Variants in SNAPC5 observed in about 807,000 individuals in gnomAD.
SNAPC5 encodes small nuclear RNA activating complex polypeptide 5.
SNAPC5 carries 12 observed loss-of-function variants against 9.1 expected under a neutral mutation model. The observed-to-expected ratio is 1.32, with a 90% CI of 0.85 to 2.15. The LOEUF (loss-of-function observed/expected upper bound fraction) is 2.15, where lower values mean the gene tolerates loss of function less well. Ranked by LOEUF, SNAPC5 falls within the 30% of genes most tolerant of loss-of-function variation. SNAPC5 has a pLI of 0.00. For missense variants in SNAPC5, 132 were observed against 114.4 expected (o/e 1.15, Z -0.70); for synonymous variants, 52 against 47.3 (o/e 1.10, Z -0.41).
Position 66,497,633 on chromosome 15 carries a change from C to T in SNAPC5, c.90+9G>A, listed in dbSNP as rs376615959. 4.3e-6 allele frequency: 7 copies of T among 1,613,242 alleles called. No individual in the cohort carries two copies. Among genetic ancestry groups the T allele is most frequent in the African/African-American group, 1.3e-5 (1 of 74,918 alleles). On this transcript the variant is annotated intron_variant, in intron 1 of 2. Transcript: ENST00000316634. ...ATGGAGGAGGGGCAGGAGAGGGCCGCGGGGTCACCTTGAGGCGGTTCAGCT... is the reference window on the plus strand; with the variant it reads ...ATGGAGGAGGGGCAGGAGAGGGCCGTGGGGTCACCTTGAGGCGGTTCAGCT...
chr15:66,497,694 T>C lies in SNAPC5; in HGVS notation c.38A>G (p.Glu13Gly), dbSNP rs769603276. ...GGCTGCCTTCAACCGCAGCAGCGTCTCCTCCTCCTTGCGCAGTTCCTGAAG... is the reference window on the plus strand; with the variant it reads ...GGCTGCCTTCAACCGCAGCAGCGTCCCCTCCTCCTTGCGCAGTTCCTGAAG... ...SRLQELRKEEETLLRLKAALH... is the reference protein window; with the variant it reads ...SRLQELRKEEGTLLRLKAALH... Residue 13 changes from glutamate to glycine, a missense_variant, in exon 1 of 3, where the codon GAG (glutamate) becomes GGG (glycine). Glu to Gly is a moderately conservative substitution (Grantham distance 98). Transcript: ENST00000316634. The C allele has an allele frequency of 6.2e-7, 1 of 1,613,692 alleles. No individual in the cohort carries two copies.
chr15:66,494,792 T>C (rs897950142), intron 2 of SNAPC5: 6 of 441,136 alleles, frequency 1.4e-5, no homozygotes, highest in African/African-American at 1.2e-4. Flanking sequence ...CAAAGCTCCA[T>C]AAGATTTGTG....
At chr15:66,495,220 A>G (rs765382447) in intron 2 of SNAPC5, 110 bp downstream of exon 2, 1 of 794,584 alleles carries the variant, frequency 1.3e-6, no homozygotes, top group Non-Finnish European at 2.3e-6. Flanking sequence ...CACTTCTCAG[A>G]GCCCTTTGGG....
At chr15:66,497,552 G>A (rs773668853) in intron 1 of SNAPC5, 90 bp downstream of exon 1, 8 of 1,124,928 alleles carry the variant, frequency 7.1e-6, no homozygotes, top group Admixed American at 1.7e-5. Context: ...AGAACTGGCC[G>A]CAGCAGGTGG....
In SNAPC5 at chr15:66,497,706, C is replaced by A; in HGVS notation, c.26G>T (p.Arg9Leu). 3 of 1,613,578 alleles carry A rather than the reference C, an allele frequency of 1.9e-6. No individual in the cohort carries two copies. Among genetic ancestry groups the A allele is most frequent in the East Asian group, 2.2e-5 (1 of 44,882 alleles). ...CCGCAGCAGCGTCTCCTCCTCCTTG[C>A]GCAGTTCCTGAAGCCGGCTCAGCAT... MLSRLQELRKEEETLLRLK... is the reference protein window; with the variant it reads MLSRLQELLKEEETLLRLK... Residue 9 changes from arginine (R) to leucine (L), a missense_variant, in exon 1 of 3, where the codon CGC (arginine) becomes CTC (leucine). Physicochemically the swap from Arg to Leu is moderately radical, Grantham distance 102. Transcript: ENST00000316634.
chr15:66,490,360 C>G (rs754961763), downstream of SNAPC5: 228 of 753,908 alleles, frequency 3.0e-4, 1 homozygote, highest in Non-Finnish European at 4.9e-4. Flanking sequence ...GCTGGCCCCA[C>G]TGTTGCTCAG....
chr15:66,494,724 G>A (rs1893371104), intron 2 of SNAPC5, among the ~76,000 whole-genome samples, 172 bp from the exon 3 acceptor site: 1 of 152,190 alleles, frequency 6.6e-6, no homozygotes, highest in East Asian at 1.9e-4. Flanking sequence ...CCAAAATGGG[G>A]CAACAGTAAA....
At chr15:66,489,808 T>G, downstream of SNAPC5, 1 of 1,502,876 alleles carries the variant, frequency 6.7e-7, no homozygotes, top group Non-Finnish European at 9.3e-7. Context: ...GTTTATTCAT[T>G]TGTTCTTCTC....
At chr15:66,497,199 T>C (rs373158302) in intron 1 of SNAPC5, among the ~76,000 whole-genome samples, 2 of 152,254 alleles carry the variant, frequency 1.3e-5, no homozygotes, top group African/African-American at 4.8e-5. Context: ...TGGGAGGATC[T>C]AGGAGTTCCT....
chr15:66,491,570 A>C (rs1893259614), downstream of SNAPC5: 1 of 182,166 alleles, frequency 5.5e-6, no homozygotes, highest in Non-Finnish European at 1.2e-5. Flanking sequence ...TAAGCTTTTC[A>C]GTTTCTTTAG....
At position 66,494,207 on chromosome 15, in the gene SNAPC5, A is replaced by G. The variant is rs985567816; in HGVS notation, c.*229T>C. 7.7e-6 allele frequency: 4 copies of G among 518,098 alleles called. No homozygotes were observed. Among genetic ancestry groups the G allele is most frequent in the Non-Finnish European group, 1.4e-5 (4 of 285,596 alleles). 32.1% of individuals were successfully genotyped at this position (518,098 alleles called of 1,614,324 possible). A position where few individuals can be genotyped will look rare whatever the true frequency, so the allele number is the denominator to read the frequency against. ...GACCAGATTACAGACAGCACCACCC[A>G]TATTACTCAATGCTAAGACACAGCA... is the stretch of plus-strand genomic sequence containing the variant. On this transcript the variant is annotated 3_prime_UTR_variant, in exon 3 of 3. Coordinates refer to ENST00000316634, the MANE Select transcript of SNAPC5 (RefSeq NM_001329615.2).
chr15:66,490,962 C>T, downstream of SNAPC5: 1 of 437,048 alleles, frequency 2.3e-6, no homozygotes, highest in Non-Finnish European at 4.2e-6. Context: ...TGGCTGTCTG[C>T]CTGTATTTTC....
downstream of SNAPC5, chr15:66,489,921 T>TC (rs1216610276): frequency 1.3e-6 from 1 of 745,460 alleles, no homozygotes; most frequent in Non-Finnish European, 2.4e-6. Flanking sequence ...TCTCCTTTGC[T>TC]CTCCCATCAG....
downstream of SNAPC5, chr15:66,491,170 A>C: frequency 3.6e-6 from 1 of 275,832 alleles, no homozygotes; most frequent in South Asian, 8.5e-5. Flanking sequence ...TTGACATCCA[A>C]ATCTAGCCAG....
At chr15:66,494,684 CA>C in intron 2 of SNAPC5, 132 bp from the exon 3 acceptor site, 1 of 633,704 alleles carries the variant, frequency 1.6e-6, no homozygotes. Context: ...GAGGTATGGC[CA>C]CTTTCCTTTT....
At chr15:66,490,055 A>G, downstream of SNAPC5, 1 of 556,478 alleles carries the variant, frequency 1.8e-6, no homozygotes, top group Non-Finnish European at 3.2e-6. Context: ...CCTTTCCCTA[A>G]TACTGACTGC....
intron 1 of SNAPC5, among the ~76,000 whole-genome samples, chr15:66,495,852 GTCA>G (rs1242379498): frequency 2.0e-5 from 3 of 152,234 alleles, no homozygotes; most frequent in Admixed American, 1.3e-4. Context: ...TTTGGAGGTG[GTCA>G]TCAATACACT....
Position 66,497,699 on chromosome 15 carries a change from C to T in SNAPC5, c.33G>A (p.Glu11=). The change falls in exon 1 of 3, where the codon GAG becomes GAA. Residue 11 remains glutamate, a synonymous_variant. Transcript: ENST00000316634. MLSRLQELRK[E]EETLLRLKAA... is the part of the protein sequence containing the mutation. ...CCTTCAACCGCAGCAGCGTCTCCTCCTCCTTGCGCAGTTCCTGAAGCCGGC... is the reference window on the plus strand; with the variant it reads ...CCTTCAACCGCAGCAGCGTCTCCTCTTCCTTGCGCAGTTCCTGAAGCCGGC... The T allele has an allele frequency of 6.2e-7, 1 of 1,613,730 alleles. No homozygotes were observed. Among genetic ancestry groups the T allele is most frequent in the Non-Finnish European group, 8.5e-7 (1 of 1,179,980 alleles).
At chr15:66,489,871 G>A (rs1188341569), downstream of SNAPC5, 1 of 952,854 alleles carries the variant, frequency 1.0e-6, no homozygotes, top group South Asian at 1.3e-5. Context: ...TGCCCACTGT[G>A]GTCCAGCTGA....
Sources: allele counts gnomAD v4.1 joint callset (sites outside exome capture counted in the v4.1 genomes callset), GRCh38; gene constraint gnomAD v4.1.1; transcripts MANE v1.5; gene names NCBI Gene and HGNC (gene_info 2026-07-23, HGNC 2026-07-21).